RRM2: variants seen among roughly 807,000 people sequenced by gnomAD.
The protein encoded by RRM2 is ribonucleoside-diphosphate reductase subunit M2.
RRM2 carries 6 observed loss-of-function variants against 45.9 expected under a neutral mutation model. The observed-to-expected ratio is 0.13, with a 90% CI of 0.07 to 0.26. The LOEUF is 0.26. Ranked by LOEUF, RRM2 falls within the 10% of genes least tolerant of loss-of-function variation. The pLI, the probability that RRM2 is intolerant of heterozygous loss-of-function variation, is 1.00. For synonymous variants in RRM2, 177 were observed against 173.0 expected (o/e 1.02, Z -0.18); for missense variants, 343 against 489.5 (o/e 0.70, Z 2.82).
chr2:10,207,533 C>G (rs1446817157), intron 3 of RRM2, among the ~76,000 whole-genome samples: 1 of 152,208 alleles, frequency 6.6e-6, no homozygotes, highest in Non-Finnish European at 1.5e-5. Context: ...ACCTCTCAGA[C>G]TCACCTCCCG....
At chr2:10,150,666 C>T in intron 3 of RRM2, among the ~76,000 whole-genome samples, 1 of 151,470 alleles carries the variant, frequency 6.6e-6, no homozygotes, top group Non-Finnish European at 1.5e-5. Context: ...CTTCCTCATG[C>T]TGTTTCTTAC....
intron 3 of RRM2, among the ~76,000 whole-genome samples, chr2:10,203,792 G>C (rs767486211): frequency 7.9e-4 from 106 of 133,422 alleles, no homozygotes; most frequent in Non-Finnish European, 8.1e-4. Flanking sequence ...TACATGTGAC[G>C]GTCTCCCAGA....
intron 3 of RRM2, among the ~76,000 whole-genome samples, chr2:10,183,343 A>T (rs1039383998): frequency 2.0e-5 from 3 of 152,150 alleles, no homozygotes; most frequent in African/African-American, 7.2e-5. Context: ...GACCTGTGGG[A>T]CTGGGCTCCG....
chr2:10,196,648 G>A (rs1664421890), intron 3 of RRM2, among the ~76,000 whole-genome samples: 1 of 152,260 alleles, frequency 6.6e-6, no homozygotes, highest in African/African-American at 2.4e-5. Context: ...TGGACAGCCA[G>A]CAGCCCTGGC....
intron 3 of RRM2, among the ~76,000 whole-genome samples, chr2:10,199,802 A>C (rs1395584487): frequency 8.2e-5 from 11 of 134,290 alleles, no homozygotes; most frequent in Non-Finnish European, 1.5e-4. Context: ...AAAAAAAAAA[A>C]AAAAAAACAA....
rs1662888963 is a variant in RRM2 at position 10,131,000 on chromosome 2, TGA to T, written c.*1619_*1620del. ...AGCTGAGACATTGCATGAAAGATGA[TGA>T]GAGATAAATGTTGATCTTTTGGCCC... is the stretch of plus-strand genomic sequence containing the variant. On this transcript the variant is annotated 3_prime_UTR_variant, in exon 10 of 10. Transcript: ENST00000304567. The T allele has an allele frequency of 6.6e-6, 1 of 152,236 alleles. No homozygotes were observed. The highest frequency in any genetic ancestry group is 2.4e-5 in the African/African-American group (1 of 41,460). The allele number at this position is 152,236 out of a possible 1,614,324, so 9.4% of individuals were successfully genotyped here. A position where few individuals can be genotyped will look rare whatever the true frequency, so the allele number is the denominator to read the frequency against.
intron 3 of RRM2, among the ~76,000 whole-genome samples, chr2:10,196,005 C>G (rs896681504): frequency 1.3e-5 from 2 of 152,196 alleles, no homozygotes; most frequent in African/African-American, 4.8e-5. Context: ...AAGGCAGAGC[C>G]GGCCGCCCAG....
chr2:10,194,162 C>T (rs970730357), intron 3 of RRM2, among the ~76,000 whole-genome samples: 3 of 152,182 alleles, frequency 2.0e-5, no homozygotes, highest in South Asian at 2.1e-4. Flanking sequence ...GTATTAGAAC[C>T]GGGAGAGCTG....
chr2:10,207,642 C>A (rs1161191323), intron 3 of RRM2, among the ~76,000 whole-genome samples: 1 of 152,172 alleles, frequency 6.6e-6, no homozygotes, highest in Non-Finnish European at 1.5e-5. Flanking sequence ...TGGGTCCTTC[C>A]CTTCTTTCTT....
chr2:10,191,455 G>A (rs1223405079), intron 3 of RRM2, among the ~76,000 whole-genome samples: 2 of 152,194 alleles, frequency 1.3e-5, no homozygotes, highest in Non-Finnish European at 2.9e-5. Flanking sequence ...GGAGGCGCAG[G>A]TGGCAGTGAG....
At position 10,187,309 on chromosome 2, in the gene RRM2, C is replaced by T. The variant is rs374512197; in HGVS notation, n.483-23002C>T. 1.8e-4 allele frequency among the ~76,000 whole-genome samples: 28 copies of T among 152,298 alleles called. 2 individuals are homozygous for T. The highest frequency in any genetic ancestry group is 1.2e-3 in the Admixed American group (18 of 15,310). On this transcript the variant is annotated intron_variant and non_coding_transcript_variant, in intron 3 of 3. Transcript: ENST00000381786. ...TCATGGAAACCGGTCACGCAGGGCT[C>T]GGTAGCAGGACCCTCCTTCCTACCT... is the stretch of plus-strand genomic sequence containing the variant.
At chr2:10,177,421 CAG>C (rs568002459) in intron 3 of RRM2, among the ~76,000 whole-genome samples, 1 of 152,242 alleles carries the variant, frequency 6.6e-6, no homozygotes, top group South Asian at 2.1e-4. Context: ...TGGAGTAACA[CAG>C]AGAGATTCAG....
At chr2:10,177,710 T>TTCCTTCCTTCCTCCCTCCCTCCCTCC (rs1553326755) in intron 3 of RRM2, among the ~76,000 whole-genome samples, 2 of 116,488 alleles carry the variant, frequency 1.7e-5, no homozygotes, top group African/African-American at 6.4e-5. Context: ...TTCCTTCCTC[T>TTCCTTCCTTCCTCCCTCCCTCCCTCC]CTCCCTCCCT....
chr2:10,195,079 AT>A lies in RRM2; in HGVS notation n.483-15230del, dbSNP rs1030821464. Among the ~76,000 whole-genome samples, 13 of 146,424 alleles carry A rather than the reference AT, an allele frequency of 8.9e-5. No individual in the cohort carries two copies. The highest frequency in any genetic ancestry group is 1.6e-4 in the Non-Finnish European group (11 of 67,686). On this transcript the variant is annotated intron_variant and non_coding_transcript_variant, in intron 3 of 3. Transcript: ENST00000381786. The surrounding 1 kb of genome is among the most constrained non-coding windows in gnomAD (Gnocchi z 4.9). The stretch of plus-strand genomic sequence containing the variant: ...TGGCTACGGGTTTAATCTAAAATTC[AT>A]TCTGATCCCTTGGCCTTGGAAAAGG...
intron 3 of RRM2, among the ~76,000 whole-genome samples, chr2:10,182,270 G>A (rs1250273342): frequency 3.3e-5 from 5 of 152,034 alleles, no homozygotes; most frequent in African/African-American, 1.2e-4. Flanking sequence ...CCCGGGAGGC[G>A]GAGGTTGCAG....
intron 3 of RRM2, among the ~76,000 whole-genome samples, chr2:10,153,461 G>T (rs1663359370): frequency 6.6e-6 from 1 of 152,004 alleles, no homozygotes; most frequent in African/African-American, 2.4e-5. Flanking sequence ...TGGAGATTGG[G>T]GTTTATTTTT....
intron 3 of RRM2, among the ~76,000 whole-genome samples, chr2:10,152,276 T>C (rs1020193914): frequency 7.9e-4 from 120 of 152,188 alleles, no homozygotes; most frequent in African/African-American, 2.7e-3. Flanking sequence ...TATCGAGTTG[T>C]GTTATATATT....
intron 3 of RRM2, among the ~76,000 whole-genome samples, chr2:10,163,676 C>T (rs1558393522): frequency 6.6e-6 from 1 of 152,244 alleles, no homozygotes; most frequent in African/African-American, 2.4e-5. Flanking sequence ...TGCAGCCAGG[C>T]GCGAGCCTCG....
intron 3 of RRM2, among the ~76,000 whole-genome samples, chr2:10,207,938 G>A (rs1664694191): frequency 6.6e-6 from 1 of 151,726 alleles, no homozygotes; most frequent in Admixed American, 6.6e-5. Flanking sequence ...ACATTCACCA[G>A]TTGTTGAATT....
Sources: allele counts gnomAD v4.1 joint callset (sites outside exome capture counted in the v4.1 genomes callset), GRCh38; gene constraint gnomAD v4.1.1; non-coding constraint Gnocchi (gnomAD v3.1); transcripts MANE v1.5; gene names NCBI Gene and HGNC (gene_info 2026-07-23, HGNC 2026-07-21).